Variants in PRSS23 observed in about 807,000 individuals in gnomAD.
The protein encoded by PRSS23 is protease, serine 23.
A neutral mutation model predicts 34.7 loss-of-function variants in PRSS23; 25 were observed. The observed-to-expected ratio is 0.72, with a 90% CI of 0.53 to 1.01. PRSS23 has a LOEUF of 1.01. Among genes scored for constraint, PRSS23 ranks in the 50% least tolerant of loss-of-function variants. The probability of loss-of-function intolerance (pLI) is 0.00; values close to 1 mark genes in which losing one functional copy is unlikely to be tolerated. For synonymous variants in PRSS23, 176 were observed against 186.6 expected (o/e 0.94, Z 0.46); for missense variants, 445 against 475.6 (o/e 0.94, Z 0.60).
intron 2 of PRSS23, chr11:86,912,280 G>A (rs1361856881): frequency 6.6e-6 from 1 of 152,112 alleles, no homozygotes; most frequent in African/African-American, 2.4e-5. Context: ...TACCCTATTG[G>A]AGATTCATTA....
intron 2 of PRSS23, among the ~76,000 whole-genome samples, chr11:86,913,274 CAA>C (rs201233084): frequency 1.1e-4 from 7 of 61,134 alleles, no homozygotes; most frequent in Admixed American, 3.3e-4. Context: ...TGCCCTCAGG[CAA>C]AAAAAAAAAA....
intron 1 of PRSS23, among the ~76,000 whole-genome samples, chr11:86,804,707 C>G (rs150036896): frequency 6.6e-6 from 1 of 152,300 alleles, no homozygotes; most frequent in Non-Finnish European, 1.5e-5. Context: ...TTAGCATTCT[C>G]TAACAGGATT....
chr11:86,906,935 A>G (rs1290956511), intron 2 of PRSS23, among the ~76,000 whole-genome samples: 1 of 151,794 alleles, frequency 6.6e-6, no homozygotes, highest in African/African-American at 2.4e-5. Context: ...CATCCATTTT[A>G]CCCGGTGATA....
chr11:86,885,440 C>G (rs751581681), intron 2 of PRSS23, among the ~76,000 whole-genome samples: 13 of 152,172 alleles, frequency 8.5e-5, no homozygotes, highest in Non-Finnish European at 1.6e-4. Flanking sequence ...AGATATTTGG[C>G]CAAACATTAT....
intron 2 of PRSS23, among the ~76,000 whole-genome samples, chr11:86,828,869 T>C (rs911798328): frequency 7.9e-5 from 12 of 152,240 alleles, no homozygotes; most frequent in African/African-American, 2.9e-4. Flanking sequence ...GATCCGCTGT[T>C]AGTCTGATGG....
At chr11:86,883,064 G>A (rs1292155822) in intron 2 of PRSS23, among the ~76,000 whole-genome samples, 2 of 151,910 alleles carry the variant, frequency 1.3e-5, no homozygotes, top group African/African-American at 4.8e-5. Flanking sequence ...GTTTCTTTCT[G>A]GTAAATTTGT....
chr11:86,916,748 C>A (rs61903807), intron 2 of PRSS23, among the ~76,000 whole-genome samples: 19,317 of 152,072 alleles, frequency 0.13, 1,712 homozygotes, highest in Non-Finnish European at 0.19. Flanking sequence ...GCCTCCCAGT[C>A]CACCAAGAGG....
intron 2 of PRSS23, among the ~76,000 whole-genome samples, chr11:86,875,173 C>T (rs1228681761): frequency 6.6e-6 from 1 of 152,146 alleles, no homozygotes; most frequent in African/African-American, 2.4e-5. Context: ...ATCTAGACCC[C>T]ACCTTATGAT....
At chr11:86,827,805 TGA>T (rs1948315371) in intron 2 of PRSS23, among the ~76,000 whole-genome samples, 1 of 152,224 alleles carries the variant, frequency 6.6e-6, no homozygotes. Flanking sequence ...TGAGTGGTTT[TGA>T]GAGAGTTTCT....
At chr11:86,873,361 C>T (rs534037847) in intron 2 of PRSS23, among the ~76,000 whole-genome samples, 21 of 151,384 alleles carry the variant, frequency 1.4e-4, no homozygotes, top group Middle Eastern at 6.8e-3. Flanking sequence ...GGTGCAATCT[C>T]AGCTCAATAC....
intron 2 of PRSS23, among the ~76,000 whole-genome samples, chr11:86,849,826 C>G (rs1404950532): frequency 6.6e-6 from 1 of 152,124 alleles, no homozygotes; most frequent in African/African-American, 2.4e-5. Flanking sequence ...TCTGCATTCC[C>G]CTGCACTCTG....
At chr11:86,879,331 G>A (rs1393684987) in intron 2 of PRSS23, among the ~76,000 whole-genome samples, 3 of 149,846 alleles carry the variant, frequency 2.0e-5, no homozygotes, top group African/African-American at 7.4e-5. Context: ...GAGAAGTGAG[G>A]AGACCCTCTG....
intron 2 of PRSS23, among the ~76,000 whole-genome samples, chr11:86,847,635 T>G (rs1185478752): frequency 2.0e-5 from 3 of 152,096 alleles, no homozygotes; most frequent in Admixed American, 6.5e-5. Context: ...GACACTCCCT[T>G]AAGATGTATC....
chr11:86,924,652 T>C (rs1296455320), intron 2 of PRSS23, among the ~76,000 whole-genome samples: 3 of 152,174 alleles, frequency 2.0e-5, no homozygotes, highest in Non-Finnish European at 4.4e-5. Flanking sequence ...ATGAAACTTA[T>C]CTCCAAGAGT....
At chr11:86,888,057 A>AC (rs1469461914) in intron 2 of PRSS23, among the ~76,000 whole-genome samples, 1 of 151,800 alleles carries the variant, frequency 6.6e-6, no homozygotes, top group Non-Finnish European at 1.5e-5. Context: ...TGTCTCAAAA[A>AC]AAAAAACAAA....
intron 2 of PRSS23, among the ~76,000 whole-genome samples, chr11:86,872,490 C>G (rs1156355484): frequency 6.6e-6 from 1 of 152,204 alleles, no homozygotes; most frequent in Non-Finnish European, 1.5e-5. Context: ...CCTCCACCCT[C>G]AGGTCAGACT....
chr11:86,879,368 G>A (rs1948751824), intron 2 of PRSS23, among the ~76,000 whole-genome samples: 1 of 151,434 alleles, frequency 6.6e-6, no homozygotes, highest in East Asian at 2.0e-4. Context: ...TATGAGAAGT[G>A]AGGAGCCCCT....
chr11:86,879,191 C>T (rs1399130759), intron 2 of PRSS23, among the ~76,000 whole-genome samples: 2 of 149,602 alleles, frequency 1.3e-5, no homozygotes, highest in Non-Finnish European at 1.5e-5. Flanking sequence ...CGTCTCTGCC[C>T]GGCGGCCCAT....
At chr11:86,818,837 C>T (rs1262365613) in intron 1 of PRSS23, among the ~76,000 whole-genome samples, 4 of 152,164 alleles carry the variant, frequency 2.6e-5, no homozygotes, top group Non-Finnish European at 5.9e-5. Context: ...GTGGCACAAA[C>T]GCTTAGTGTT....
Sources: gnomAD v4.1 joint callset for allele counts (sites outside exome capture counted in the v4.1 genomes callset) on GRCh38, gnomAD v4.1.1 for gene constraint, MANE v1.5 for transcripts, NCBI Gene and HGNC (gene_info 2026-07-23, HGNC 2026-07-21) for gene names.